GFRAL: variants seen among roughly 807,000 people sequenced by gnomAD.
GFRAL encodes the protein GDNF family receptor alpha-like.
In GFRAL, 36 loss-of-function variants were observed where a neutral mutation model predicts 45.4. The ratio of observed to expected loss-of-function variants is 0.79; its 90% CI spans 0.61 to 1.05. GFRAL has a LOEUF of 1.05. GFRAL is among the 50% of genes least tolerant of loss of function. The pLI is 0.00. For missense variants in GFRAL, 507 were observed against 467.5 expected (o/e 1.08, Z -0.78); for synonymous variants, 166 against 154.1 (o/e 1.08, Z -0.57).
In GFRAL at chr6:55,331,838, G is replaced by C. The variant is rs2127349534; in HGVS notation, c.146G>C (p.Cys49Ser). 1.9e-6 allele frequency: 3 copies of C among 1,608,662 alleles called. No homozygotes were observed. The highest frequency in any genetic ancestry group is 1.3e-5 in the African/African-American group (1 of 74,794). Residue 49 changes from cysteine to serine, a missense_variant, in exon 2 of 9, where the codon TGC becomes TCC. Physicochemically the swap from Cys to Ser is moderately radical, Grantham distance 112. Transcript: ENST00000340465. ...KHAWRVMEDA[C>S]NDSDPGDPCK... Reference sequence around the variant, plus strand: ...GCTTGGAGAGTAATGGAAGATGCCTGCAATGATTCAGGTAAACAAGTTGCT... The same window carrying C: ...GCTTGGAGAGTAATGGAAGATGCCTCCAATGATTCAGGTAAACAAGTTGCT...
At chr6:55,367,740 T>A (rs1314306964) in intron 6 of GFRAL, among the ~76,000 whole-genome samples, 2 of 151,502 alleles carry the variant, frequency 1.3e-5, no homozygotes, top group African/African-American at 4.9e-5. Context: ...GGTTGAAAAT[T>A]CTTTTCTTTA....
chr6:55,333,138 G>A (rs987572265), intron 2 of GFRAL, among the ~76,000 whole-genome samples: 1 of 151,990 alleles, frequency 6.6e-6, no homozygotes, highest in African/African-American at 2.4e-5. Flanking sequence ...AATAATATTT[G>A]CATAATTATT....
intron 2 of GFRAL, 54 bp downstream of exon 2, chr6:55,331,903 A>G (rs1336118050): frequency 2.4e-5 from 37 of 1,511,692 alleles, no homozygotes; most frequent in Non-Finnish European, 3.2e-5. Flanking sequence ...TAAGATAAAA[A>G]CAGGATTTGA....
At chr6:55,370,027 G>A (rs1768430713) in intron 6 of GFRAL, among the ~76,000 whole-genome samples, 1 of 152,144 alleles carries the variant, frequency 6.6e-6, no homozygotes, top group South Asian at 2.1e-4. Context: ...TCTGAGTGAT[G>A]TAAAGAGCAA....
At chr6:55,395,308 A>G (rs971707744) in intron 6 of GFRAL, among the ~76,000 whole-genome samples, 3 of 151,614 alleles carry the variant, frequency 2.0e-5, no homozygotes, top group South Asian at 2.1e-4. Flanking sequence ...TGTCATTTAT[A>G]TATTTTTTCA....
At chr6:55,335,700 C>T (rs149380544) in intron 3 of GFRAL, among the ~76,000 whole-genome samples, 2 of 152,020 alleles carry the variant, frequency 1.3e-5, no homozygotes, top group Non-Finnish European at 2.9e-5. Flanking sequence ...TATAATTTTA[C>T]TTTTCTCAAA....
intron 6 of GFRAL, among the ~76,000 whole-genome samples, chr6:55,397,811 T>C (rs558376767): frequency 6.6e-6 from 1 of 152,354 alleles, no homozygotes; most frequent in East Asian, 1.9e-4. Flanking sequence ...TAAAGTCATG[T>C]ACCTCGTAAG....
At chr6:55,360,659 T>C (rs1031910425) in intron 6 of GFRAL, among the ~76,000 whole-genome samples, 18 of 151,960 alleles carry the variant, frequency 1.2e-4, no homozygotes, top group African/African-American at 4.3e-4. Flanking sequence ...CAGAGAAGAA[T>C]TGAAGTGTTA....
chr6:55,341,627 CA>C (rs1425280686), intron 3 of GFRAL, among the ~76,000 whole-genome samples: 1 of 152,160 alleles, frequency 6.6e-6, no homozygotes, highest in African/African-American at 2.4e-5. Context: ...TCTCCCCCTC[CA>C]AAGGAATGCA....
In GFRAL at chr6:55,359,102, A is replaced by T. The variant is rs1442761848; in HGVS notation, c.916A>T (p.Ile306Phe). 5 of 1,612,470 alleles carry T rather than the reference A, an allele frequency of 3.1e-6. 1 individual carries two copies. In the South Asian group the frequency reaches 5.5e-5, roughly 18 times the overall value. ...ITQSEESLCKIFQHMLHRKSC... is the reference protein window; with the variant it reads ...ITQSEESLCKFFQHMLHRKSC... ...ACAAAGTGAGGAATCTTTGTGTAAG[A>T]TTTTCCAGCACATGCTTCATAGAAA... Residue 306 changes from isoleucine (I) to phenylalanine (F), a missense_variant, in exon 6 of 9, where the codon ATT becomes TTT. Transcript: ENST00000340465.
intron 6 of GFRAL, among the ~76,000 whole-genome samples, chr6:55,361,176 C>A (rs779799652): frequency 4.6e-5 from 7 of 151,872 alleles, no homozygotes; most frequent in Non-Finnish European, 7.4e-5. Context: ...GAAGTTTTTG[C>A]TCCAAATATT....
At chr6:55,395,839 G>A (rs1033721943) in intron 6 of GFRAL, among the ~76,000 whole-genome samples, 10 of 151,564 alleles carry the variant, frequency 6.6e-5, no homozygotes, top group Non-Finnish European at 1.2e-4. Flanking sequence ...GCTCATTTGG[G>A]GAGAATATTA....
At chr6:55,378,258 T>C (rs991402431) in intron 6 of GFRAL, among the ~76,000 whole-genome samples, 2 of 152,058 alleles carry the variant, frequency 1.3e-5, no homozygotes, top group African/African-American at 4.8e-5. Context: ...CTATGAAGAA[T>C]TTTGATGGTG....
intron 6 of GFRAL, among the ~76,000 whole-genome samples, chr6:55,359,403 G>T (rs1010778633): frequency 2.0e-5 from 3 of 151,974 alleles, no homozygotes; most frequent in Non-Finnish European, 4.4e-5. Context: ...CAAAAGCATA[G>T]AAGGTTTATT....
chr6:55,344,409 C>A (rs979631313), intron 3 of GFRAL, among the ~76,000 whole-genome samples: 5 of 152,196 alleles, frequency 3.3e-5, no homozygotes, highest in African/African-American at 1.2e-4. Flanking sequence ...TAAACATAAC[C>A]CAGCATATAA....
chr6:55,342,001 C>A (rs555805836), intron 3 of GFRAL, among the ~76,000 whole-genome samples: 6 of 152,036 alleles, frequency 3.9e-5, no homozygotes, highest in Non-Finnish European at 7.3e-5. Context: ...ATGAACAAAG[C>A]CTCCAAGAAA....
intron 6 of GFRAL, among the ~76,000 whole-genome samples, chr6:55,366,805 A>G (rs1768371017): frequency 8.6e-6 from 1 of 116,212 alleles, no homozygotes; most frequent in African/African-American, 4.0e-5. Flanking sequence ...GGTCTGAGAG[A>G]TAGTTTGTTA....
At chr6:55,389,028 C>T (rs1768714598) in intron 6 of GFRAL, among the ~76,000 whole-genome samples, 1 of 152,004 alleles carries the variant, frequency 6.6e-6, no homozygotes. Flanking sequence ...GAGTTTTCCC[C>T]TTTCTACCAA....
chr6:55,377,710 T>G (rs1019228846), intron 6 of GFRAL, among the ~76,000 whole-genome samples: 1 of 152,052 alleles, frequency 6.6e-6, no homozygotes, highest in East Asian at 1.9e-4. Flanking sequence ...ACAAAGCATG[T>G]AATCTGTCTC....
Sources: gnomAD v4.1 joint callset for allele counts (sites outside exome capture counted in the v4.1 genomes callset) on GRCh38, gnomAD v4.1.1 for gene constraint, MANE v1.5 for transcripts, NCBI Gene and HGNC (gene_info 2026-07-23, HGNC 2026-07-21) for gene names.